The following KDM4C variants were observed in gnomAD, a reference collection of about 807,000 sequenced individuals.
KDM4C encodes lysine demethylase 4C, also known as lysine-specific demethylase 4C.
A neutral mutation model predicts 129.3 loss-of-function variants in KDM4C; 81 were observed. That is an observed-to-expected ratio of 0.63 (90% CI 0.52 to 0.75). The LOEUF is 0.75. Ranked by LOEUF, KDM4C falls within the 30% of genes least tolerant of loss-of-function variation. KDM4C has a pLI of 0.00. For synonymous variants in KDM4C, 573 were observed against 456.1 expected, an observed-to-expected ratio of 1.26 and a Z score of -3.26; for missense variants, 1,457 against 1,304.0, an observed-to-expected ratio of 1.12 and a Z score of -1.81.
intron 8 of KDM4C, among the ~76,000 whole-genome samples, chr9:6,944,370 C>G (rs1826492274): frequency 6.6e-6 from 1 of 152,182 alleles, no homozygotes; most frequent in African/African-American, 2.4e-5. Flanking sequence ...TCATGCACAT[C>G]AGTTCTGGAA....
Position 6,748,698 on chromosome 9 carries a change from C to G in KDM4C, c.49+27701C>G, listed in dbSNP as rs748613003. On this transcript the variant is annotated intron_variant, in intron 1 of 17. Transcript: ENST00000536108. ...CTCAACAATTTCTCACTTCATTGATCATTTCTAGTTGGAGACACTTTGTAG... is the reference window on the plus strand; with the variant it reads ...CTCAACAATTTCTCACTTCATTGATGATTTCTAGTTGGAGACACTTTGTAG... 2.8e-6 allele frequency: 4 copies of G among 1,416,432 alleles called. No individual in the cohort carries two copies. The South Asian group carries it at 4.6e-5, about 16-fold the overall frequency. 87.7% of individuals were successfully genotyped at this position (1,416,432 alleles called of 1,614,324 possible).
At position 6,944,767 on chromosome 9, in the gene KDM4C, AG is replaced by A. The variant is rs1357481743; in HGVS notation, c.922-36154del. Among the ~76,000 whole-genome samples the A allele has an allele frequency of 2.1e-5, 3 of 142,070 alleles. No individual in the cohort carries two copies. In the East Asian group the frequency reaches 6.6e-4, roughly 31 times the overall value. The allele number at this position is 142,070 out of a possible 152,430, so 93.2% of individuals were successfully genotyped here. On this transcript the variant is annotated intron_variant, in intron 8 of 21. Coordinates refer to ENST00000381309, the MANE Select transcript of KDM4C (RefSeq NM_015061.6). The stretch of plus-strand genomic sequence containing the variant: ...GATTTCGGCTTGCTTAGGTATTGTT[AG>A]GGGAAGGGTTCAAAGAAGAGTGGTT...
chr9:7,047,297 A>T (rs1829541057), intron 16 of KDM4C, among the ~76,000 whole-genome samples: 1 of 152,080 alleles, frequency 6.6e-6, no homozygotes, highest in African/African-American at 2.4e-5. Flanking sequence ...TGATCTTCAG[A>T]TAAATCAGTC....
chr9:6,927,400 G>A (rs1183074665), intron 8 of KDM4C, among the ~76,000 whole-genome samples: 1 of 152,152 alleles, frequency 6.6e-6, no homozygotes, highest in Non-Finnish European at 1.5e-5. Context: ...AAAGTGCTGG[G>A]ATTATAGGTG....
chr9:7,029,242 A>G (rs1826322543), intron 15 of KDM4C, among the ~76,000 whole-genome samples: 1 of 150,694 alleles, frequency 6.6e-6, no homozygotes. Context: ...CAATATGCTC[A>G]CCATAAAAAT....
At chr9:6,810,201 T>A (rs1318761303) in intron 3 of KDM4C, among the ~76,000 whole-genome samples, 1 of 152,216 alleles carries the variant, frequency 6.6e-6, no homozygotes, top group Non-Finnish European at 1.5e-5. Context: ...ATAATTTTAC[T>A]GAGTACACAT....
At chr9:6,981,363 G>A (rs927752271) in intron 9 of KDM4C, among the ~76,000 whole-genome samples, 1 of 152,198 alleles carries the variant, frequency 6.6e-6, no homozygotes, top group Non-Finnish European at 1.5e-5. Flanking sequence ...GAACAATATA[G>A]AACTTGTTAG....
chr9:7,167,330 A>T (rs1218107669), intron 20 of KDM4C, among the ~76,000 whole-genome samples: 1 of 152,140 alleles, frequency 6.6e-6, no homozygotes, highest in Non-Finnish European at 1.5e-5. Context: ...CTTGAGTCCC[A>T]GGCGAACTAG....
intron 4 of KDM4C, chr9:6,835,033 G>A (rs1835623628): frequency 8.5e-6 from 8 of 943,350 alleles, no homozygotes; most frequent in South Asian, 2.6e-5. Context: ...GATCCTTACC[G>A]AGCGTGGCTA....
chr9:6,910,391 C>G (rs994487570), intron 8 of KDM4C, among the ~76,000 whole-genome samples: 4 of 152,058 alleles, frequency 2.6e-5, no homozygotes, highest in Non-Finnish European at 5.9e-5. Context: ...GTTATTACCC[C>G]CATCTTATTA....
chr9:6,723,134 G>T (rs1382879310), intron 1 of KDM4C, among the ~76,000 whole-genome samples: 1 of 152,122 alleles, frequency 6.6e-6, no homozygotes, highest in Non-Finnish European at 1.5e-5. Context: ...TACACTTTGG[G>T]AGGCCGAGGT....
chr9:7,166,648 C>A (rs902367369), intron 20 of KDM4C, among the ~76,000 whole-genome samples: 3 of 152,162 alleles, frequency 2.0e-5, no homozygotes, highest in African/African-American at 7.2e-5. Flanking sequence ...AGCATTACTA[C>A]ATAATGCAAA....
chr9:6,777,930 T>C (rs977964813), intron 1 of KDM4C, among the ~76,000 whole-genome samples: 1 of 151,152 alleles, frequency 6.6e-6, no homozygotes, highest in African/African-American at 2.4e-5. Flanking sequence ...TTTTTTTTTT[T>C]TCTCCCCATA....
At chr9:7,152,408 G>A (rs774078777) in intron 19 of KDM4C, among the ~76,000 whole-genome samples, 18 of 152,182 alleles carry the variant, frequency 1.2e-4, no homozygotes, top group African/African-American at 1.9e-4. Flanking sequence ...TGATGTAATC[G>A]TAGGTGGCAA....
chr9:6,792,338 C>T (rs114071827), intron 1 of KDM4C, among the ~76,000 whole-genome samples: 4,622 of 151,494 alleles, frequency 0.031, 246 homozygotes, highest in African/African-American at 0.1. Flanking sequence ...GCGAGACTGT[C>T]TCAAAAAAAA....
chr9:6,852,564 C>G (rs1362739689), intron 5 of KDM4C, among the ~76,000 whole-genome samples: 2 of 152,198 alleles, frequency 1.3e-5, no homozygotes, highest in Non-Finnish European at 2.9e-5. Flanking sequence ...CACCAGCGTC[C>G]TCTTCTGCCT....
chr9:6,919,715 A>G (rs563438330), intron 8 of KDM4C, among the ~76,000 whole-genome samples: 47 of 151,958 alleles, frequency 3.1e-4, no homozygotes, highest in African/African-American at 1.1e-3. Flanking sequence ...AGCTGGGACT[A>G]CAGGCGTGCA....
intron 12 of KDM4C, among the ~76,000 whole-genome samples, chr9:7,002,186 C>G (rs1457243262): frequency 6.6e-6 from 1 of 152,220 alleles, no homozygotes; most frequent in African/African-American, 2.4e-5. Context: ...AGCCACCGCA[C>G]TTGCCTCCCA....
rs554302514 is a variant in KDM4C, at chr9:6,859,522, G to A, written c.629+9822G>A. 4.1e-3 allele frequency among the ~76,000 whole-genome samples: 554 copies of A among 136,734 alleles called. 7 individuals carry two copies. The highest frequency in any genetic ancestry group is 5.5e-3 in the Non-Finnish European group (356 of 64,570). The allele number at this position is 136,734 out of a possible 152,430, so 89.7% of individuals were successfully genotyped here. On this transcript the variant is annotated intron_variant, in intron 5 of 21. Coordinates refer to ENST00000381309, the MANE Select transcript of KDM4C (RefSeq NM_015061.6). The stretch of plus-strand genomic sequence containing the variant: ...AGAAATCGTCTCTGGTAACACAGAC[G>A]ACAGATGTCTCAAGTAGGTGGATTT...
Sources: allele counts gnomAD v4.1 joint callset (sites outside exome capture counted in the v4.1 genomes callset), GRCh38; gene constraint gnomAD v4.1.1; transcripts MANE v1.5; gene names NCBI Gene and HGNC (gene_info 2026-07-23, HGNC 2026-07-21).